Variants in KLHDC2 observed in about 807,000 individuals in gnomAD.
KLHDC2 encodes kelch domain-containing protein 2.
KLHDC2 carries 38 observed loss-of-function variants against 62.3 expected under a neutral mutation model. The observed-to-expected ratio is 0.61, with a 90% CI of 0.47 to 0.80. The LOEUF (loss-of-function observed/expected upper bound fraction) is 0.80, where lower values mean the gene tolerates loss of function less well. KLHDC2 is among the 30% of genes least tolerant of loss of function. The pLI is 0.00. For missense variants in KLHDC2, 430 were observed against 495.3 expected, an observed-to-expected ratio of 0.87 and a Z score of 1.25; for synonymous variants, 159 against 161.0, an observed-to-expected ratio of 0.99 and a Z score of 0.09.
In KLHDC2 at chr14:49,785,495, A is replaced by G; in HGVS notation, c.*2542A>G. 1 of 571,976 alleles carries G rather than the reference A, an allele frequency of 1.7e-6. No individual in the cohort carries two copies. Among genetic ancestry groups the G allele is most frequent in the Non-Finnish European group, 3.1e-6 (1 of 318,620 alleles). The allele number at this position is 571,976 out of a possible 1,614,324, so 35.4% of individuals were successfully genotyped here. On this transcript the variant is annotated 3_prime_UTR_variant, in exon 13 of 13. Coordinates refer to ENST00000298307, the MANE Select transcript of KLHDC2 (RefSeq NM_014315.3). ...TCATAGTTCCAAAGAGTTGAAGACC[A>G]ATGTTTAAATATATTCTTTACTACT...
rs201932107 is a variant in KLHDC2, at chr14:49,779,211, C to T, written c.634-384C>T. The stretch of plus-strand genomic sequence containing the variant: ...ATTTTGGATTTTCCGATTACAGATA[C>T]TCAAACTGTAATTAAATAACTCTGC... On this transcript the variant is annotated intron_variant, in intron 6 of 12. Coordinates refer to ENST00000298307, the MANE Select transcript of KLHDC2 (RefSeq NM_014315.3). Among the ~76,000 whole-genome samples, 30 of 152,262 alleles carry T rather than the reference C, an allele frequency of 2.0e-4. No individual in the cohort carries two copies. In the East Asian group the frequency reaches 4.2e-3, roughly 22 times the overall value.
chr14:49,774,623 T>G lies in KLHDC2; in HGVS notation c.296T>G (p.Val99Gly). The part of the protein sequence containing the change: ...PSMSGSCAVC[V>G]DRVLYLFGGH... ...ATGTCAGGAAGCTGTGCTGTGTGTG[T>G]AGACAGGGTGCTGTACTTGTTTGGA... The change falls in exon 3 of 13, where the codon GTA (valine) becomes GGA (glycine). Residue 99 changes from valine (V) to glycine (G), a missense_variant. Coordinates refer to ENST00000298307, the MANE Select transcript of KLHDC2 (RefSeq NM_014315.3). The G allele has an allele frequency of 6.2e-7, 1 of 1,614,028 alleles. No individual in the cohort carries two copies. The highest frequency in any genetic ancestry group is 8.5e-7 in the Non-Finnish European group (1 of 1,179,870).
Position 49,777,941 on chromosome 14 carries a change from G to GTA in KLHDC2, c.459_460dup (p.Lys154IlefsTer5). 6.2e-7 allele frequency: 1 copy of GTA among 1,600,900 alleles called. No individual in the cohort carries two copies. The highest frequency in any genetic ancestry group is 8.5e-7 in the Non-Finnish European group (1 of 1,171,432). On this transcript the variant is annotated frameshift_variant, in exon 4 of 13. Transcript: ENST00000298307. LOFTEE classifies it high-confidence loss of function. ...ATCAAAGGACAAACTTGGTGTCTGGGTATATAAAAACAAGTAAGTTGGCAG... is the reference window on the plus strand; with the variant it reads ...ATCAAAGGACAAACTTGGTGTCTGGGTATATATAAAAACAAGTAAGTTGGCAG...
intron 6 of KLHDC2, among the ~76,000 whole-genome samples, chr14:49,778,892 T>A (rs1889828408): frequency 6.6e-6 from 1 of 151,768 alleles, no homozygotes; most frequent in African/African-American, 2.4e-5. Flanking sequence ...CCCAGCTAAT[T>A]TTTTTGTATT....
intron 2 of KLHDC2, among the ~76,000 whole-genome samples, chr14:49,772,651 C>CGTA (rs1427600207): frequency 6.6e-6 from 1 of 152,156 alleles, no homozygotes; most frequent in Non-Finnish European, 1.5e-5. Flanking sequence ...TCAGAATTAG[C>CGTA]GTAGTAGTCC....
rs758223289 is a variant in KLHDC2 at position 49,784,728 on chromosome 14, T to C, written c.*1775T>C. The C allele has an allele frequency of 1.1e-5, 18 of 1,601,968 alleles. No homozygotes were observed. Among genetic ancestry groups the C allele is most frequent in the Middle Eastern group, 1.7e-4 (1 of 6,028 alleles). ...AAATCTGTGTCCTAAAAAAAGAAAATTGCTGAATATCTTCACATCCTGTAT... is the reference window on the plus strand; with the variant it reads ...AAATCTGTGTCCTAAAAAAAGAAAACTGCTGAATATCTTCACATCCTGTAT... On this transcript the variant is annotated 3_prime_UTR_variant, in exon 13 of 13. Coordinates refer to ENST00000298307, the MANE Select transcript of KLHDC2 (RefSeq NM_014315.3).
chr14:49,785,064 C>T lies in KLHDC2; in HGVS notation c.*2111C>T, dbSNP rs747319283. The T allele has an allele frequency of 3.4e-5, 55 of 1,607,418 alleles. 1 individual carries two copies. The South Asian group carries it at 5.8e-4, about 17-fold the overall frequency. On this transcript the variant is annotated 3_prime_UTR_variant, in exon 13 of 13. Transcript: ENST00000298307. ...GTTAAGTCACTGAACTGTTTAAAAT[C>T]ATAATTCAAAAAAACAAATTTAAAT...
rs1322271905 is a variant in KLHDC2, at chr14:49,784,593, T to C, written c.*1640T>C. On this transcript the variant is annotated 3_prime_UTR_variant, in exon 13 of 13. Transcript: ENST00000298307. ...TTTCATCTTTGAACTTCCAAAAGGC[T>C]ATAAAATTGGCTCTTCTCAAATATT... 7.3e-7 allele frequency: 1 copy of C among 1,372,478 alleles called. No individual in the cohort carries two copies. The highest frequency in any genetic ancestry group is 1.0e-6 in the Non-Finnish European group (1 of 969,518). The allele number at this position is 1,372,478 out of a possible 1,614,324, so 85.0% of individuals were successfully genotyped here.
At chr14:49,778,385 A>T (rs903494083) in intron 5 of KLHDC2, 26 bp from the exon 6 acceptor site, 1 of 1,422,332 alleles carries the variant, frequency 7.0e-7, no homozygotes, top group Non-Finnish European at 9.8e-7. Context: ...CATTTCTAAA[A>T]TAACGCGGAT....
At position 49,785,908 on chromosome 14, in the gene KLHDC2, A is replaced by G. The variant is rs1890156012; in HGVS notation, c.*2955A>G. ...CTGTCTCAAAAAAAAAAAAAAAAGG[A>G]AAAAAACTATTGGATATTACCTGAG... On this transcript the variant is annotated 3_prime_UTR_variant, in exon 13 of 13. Coordinates refer to ENST00000298307, the MANE Select transcript of KLHDC2 (RefSeq NM_014315.3). 1 of 139,246 alleles carries G rather than the reference A, an allele frequency of 7.2e-6. No homozygotes were observed. The highest frequency in any genetic ancestry group is 2.7e-5 in the African/African-American group (1 of 37,484). 8.6% of individuals were successfully genotyped at this position (139,246 alleles called of 1,614,324 possible).
chr14:49,768,580 G>T lies in KLHDC2; in HGVS notation c.112G>T (p.Val38Phe). ...CGCTGAGCGCAGCGGCCACGTAGCC[G>T]TCAGCGACGGGCGCCACATGTTCGT... ...CPAERSGHVA[V>F]SDGRHMFVWG... The change falls in exon 1 of 13, where the codon GTC becomes TTC. Residue 38 changes from valine (V) to phenylalanine (F), a missense_variant. Transcript: ENST00000298307. 6.2e-7 allele frequency: 1 copy of T among 1,604,688 alleles called. No homozygotes were observed. The highest frequency in any genetic ancestry group is 1.1e-5 in the South Asian group (1 of 89,504).
intron 11 of KLHDC2, 32 bp downstream of exon 11, chr14:49,782,489 A>G (rs767732056): frequency 6.3e-7 from 1 of 1,597,732 alleles, no homozygotes; most frequent in South Asian, 1.1e-5. Context: ...TATTACTGAA[A>G]CTTACTTGCA....
Position 49,782,465 on chromosome 14 carries a change from T to C in KLHDC2, c.1044+8T>C. On this transcript the variant is annotated splice_region_variant and intron_variant, in intron 11 of 12. Coordinates refer to ENST00000298307, the MANE Select transcript of KLHDC2 (RefSeq NM_014315.3). ...CTTGTCCATCACAGAGCTGTAAGTA[T>C]ACTACCTTCACATTATTACTGAAAC... 1 of 1,606,980 alleles carries C rather than the reference T, an allele frequency of 6.2e-7. No individual in the cohort carries two copies. The highest frequency in any genetic ancestry group is 8.5e-7 in the Non-Finnish European group (1 of 1,174,522).
chr14:49,768,699 A>G (rs1221175265), intron 1 of KLHDC2, 78 bp downstream of exon 1: 3 of 1,363,248 alleles, frequency 2.2e-6, no homozygotes, highest in Admixed American at 3.2e-5. Context: ...CGGGGAGGCC[A>G]GAGCGGGCCG....
intron 1 of KLHDC2, among the ~76,000 whole-genome samples, chr14:49,770,406 C>G (rs1225406360): frequency 6.6e-6 from 1 of 152,234 alleles, no homozygotes; most frequent in African/African-American, 2.4e-5. Flanking sequence ...CCTTTCCCTT[C>G]ATCACTGGTG....
chr14:49,780,369 T>C, intron 9 of KLHDC2, 47 bp downstream of exon 9: 1 of 1,207,950 alleles, frequency 8.3e-7, no homozygotes, highest in African/African-American at 1.5e-5. Context: ...ATATCATCCA[T>C]ATCTAATAGC....
intron 6 of KLHDC2, 76 bp downstream of exon 6, chr14:49,778,570 G>GC: frequency 1.5e-6 from 1 of 670,078 alleles, no homozygotes; most frequent in Non-Finnish European, 2.6e-6. Context: ...GGAGAGGGGT[G>GC]CACCAGAGTT....
intron 1 of KLHDC2, among the ~76,000 whole-genome samples, chr14:49,769,683 T>C (rs1889620490): frequency 2.6e-5 from 4 of 152,216 alleles, no homozygotes; most frequent in South Asian, 4.1e-4. Context: ...ACGCCTGTAA[T>C]CCTAGCACTT....
intron 4 of KLHDC2, 69 bp downstream of exon 4, chr14:49,778,023 C>A: frequency 9.6e-7 from 1 of 1,036,872 alleles, no homozygotes. Context: ...TATCCTTAGC[C>A]AGTAAACATT....
Sources: allele counts gnomAD v4.1 joint callset (sites outside exome capture counted in the v4.1 genomes callset), GRCh38; gene constraint gnomAD v4.1.1; transcripts MANE v1.5; gene names NCBI Gene and HGNC (gene_info 2026-07-23, HGNC 2026-07-21).